Variants in TIE1 observed in about 807,000 individuals in gnomAD.
The protein encoded by TIE1 is tyrosine-protein kinase receptor Tie-1.
A neutral mutation model predicts 130.5 loss-of-function variants in TIE1; 89 were observed. The observed-to-expected ratio is 0.68, with a 90% CI of 0.57 to 0.81. The LOEUF (loss-of-function observed/expected upper bound fraction) is 0.81, where lower values mean the gene tolerates loss of function less well. TIE1 is among the 40% of genes least tolerant of loss of function. The probability of loss-of-function intolerance (pLI) is 0.00; values close to 1 mark genes in which losing one functional copy is unlikely to be tolerated. For missense variants in TIE1, 1,392 were observed against 1,559.8 expected (o/e 0.89, Z 1.81); for synonymous variants, 568 against 629.4 (o/e 0.90, Z 1.46).
At position 43,307,159 on chromosome 1, in the gene TIE1, TG is replaced by T. The variant is rs1402560196; in HGVS notation, c.663del (p.Pro222GlnfsTer143). The T allele has an allele frequency of 6.2e-7, 1 of 1,613,982 alleles. No homozygotes were observed. The highest frequency in any genetic ancestry group is 1.1e-5 in the South Asian group (1 of 91,084). ...LIVRGCGAGR[W>X]GPGCTKECPG... ...TCCTCCAGGTTGTGGGGCTGGGCGCTGGGGGCCAGGCTGTACCAAGGAGTGC... is the reference window on the plus strand; with the variant it reads ...TCCTCCAGGTTGTGGGGCTGGGCGCTGGGGCCAGGCTGTACCAAGGAGTGC... On this transcript the variant is annotated frameshift_variant, in exon 5 of 23. Coordinates refer to ENST00000372476, the MANE Select transcript of TIE1 (RefSeq NM_005424.5). LOFTEE classifies it high-confidence loss of function. This position sits in a 1 kb window ranked among gnomAD's most constrained non-coding sequence, Gnocchi z 5.4.
At position 43,309,257 on chromosome 1, in the gene TIE1, T is replaced by C. The variant is rs1042394836; in HGVS notation, c.1188+126T>C. On this transcript the variant is annotated intron_variant, in intron 8 of 22. Coordinates refer to ENST00000372476, the MANE Select transcript of TIE1 (RefSeq NM_005424.5). The surrounding 1 kb of genome is among the most constrained non-coding windows in gnomAD (Gnocchi z 6.3). ...CCCATTGGCCTGACCATTGCTCACATGAGGTCAGGCTGATTGGTGAGGGGG... is the reference window on the plus strand; with the variant it reads ...CCCATTGGCCTGACCATTGCTCACACGAGGTCAGGCTGATTGGTGAGGGGG... 1 of 1,505,264 alleles carries C rather than the reference T, an allele frequency of 6.6e-7. No homozygotes were observed. Among genetic ancestry groups the C allele is most frequent in the African/African-American group, 1.4e-5 (1 of 71,600 alleles). The allele number at this position is 1,505,264 out of a possible 1,614,324, so 93.2% of individuals were successfully genotyped here.
chr1:43,314,885 C>A (rs1646844405), intron 14 of TIE1, among the ~76,000 whole-genome samples: 1 of 152,124 alleles, frequency 6.6e-6, no homozygotes, highest in South Asian at 2.1e-4. Flanking sequence ...TTCCTTATAC[C>A]TTATGGAAGG....
rs1419498195 is a variant in TIE1 at position 43,322,631 on chromosome 1, A to G, written c.3346-20A>G. 1 of 1,612,120 alleles carries G rather than the reference A, an allele frequency of 6.2e-7. No individual in the cohort carries two copies. The highest frequency in any genetic ancestry group is 2.2e-5 in the East Asian group (1 of 44,818). On this transcript the variant is annotated intron_variant, in intron 22 of 22. Transcript: ENST00000372476. The surrounding 1 kb of genome is among the most constrained non-coding windows in gnomAD (Gnocchi z 4.0). ...TGCACCCCCATTCCTGGCCCCCACT[A>G]AAGCTTGCTCTGCCCCCAGGCCTAT...
At chr1:43,304,079 C>G (rs1052649162) in intron 1 of TIE1, among the ~76,000 whole-genome samples, 1 of 152,096 alleles carries the variant, frequency 6.6e-6, no homozygotes, top group Non-Finnish European at 1.5e-5. Flanking sequence ...GGGCCCAGCC[C>G]CAAGCTTAGC....
At chr1:43,314,177 T>C (rs1430190763) in intron 14 of TIE1, 2 of 724,692 alleles carry the variant, frequency 2.8e-6, no homozygotes, top group South Asian at 1.8e-5. Context: ...AGCCCATTTA[T>C]ATTAGTGGTG....
In TIE1 at chr1:43,317,880, A is replaced by G. The variant is rs760301451; in HGVS notation, c.2732-2A>G. ...ACCACTGTCTGTCTCTTTGCCTCTC[A>G]GGTTACTTGTATATCGCTATTGAAT... On this transcript the variant is annotated splice_acceptor_variant, in intron 16 of 22. Coordinates refer to ENST00000372476, the MANE Select transcript of TIE1 (RefSeq NM_005424.5). LOFTEE classifies it high-confidence loss of function. The surrounding 1 kb of genome is among the most constrained non-coding windows in gnomAD (Gnocchi z 5.1). 6.2e-7 allele frequency: 1 copy of G among 1,613,550 alleles called. No individual in the cohort carries two copies. Among genetic ancestry groups the G allele is most frequent in the South Asian group, 1.1e-5 (1 of 90,996 alleles).
In TIE1 at chr1:43,306,906, A is replaced by G. The variant is rs759293138; in HGVS notation, c.551A>G (p.Asn184Ser). 2 of 1,614,046 alleles carry G rather than the reference A, an allele frequency of 1.2e-6. No individual in the cohort carries two copies. The highest frequency in any genetic ancestry group is 8.5e-7 in the Non-Finnish European group (1 of 1,180,006). The change falls in exon 4 of 23, where the codon AAT (asparagine) becomes AGT (serine). Residue 184 changes from asparagine (N) to serine (S), a missense_variant. Coordinates refer to ENST00000372476, the MANE Select transcript of TIE1 (RefSeq NM_005424.5). This position sits in a 1 kb window ranked among gnomAD's most constrained non-coding sequence, Gnocchi z 4.9. Reference protein sequence around the residue: ...QDGRFLLQLPNVQPPSSGIYS... With the variant: ...QDGRFLLQLPSVQPPSSGIYS... The stretch of plus-strand genomic sequence containing the variant: ...GGGCGGTTCCTGCTGCAGCTCCCAA[A>G]TGTGCAGCCACCATCGAGCGGCATC...
chr1:43,321,485 G>C lies in TIE1; in HGVS notation c.3238G>C (p.Asp1080His). The C allele has an allele frequency of 6.2e-7, 1 of 1,612,088 alleles. No homozygotes were observed. The highest frequency in any genetic ancestry group is 1.7e-5 in the Admixed American group (1 of 59,614). Residue 1080 changes from aspartate (D) to histidine (H), a missense_variant, in exon 21 of 23, where the codon GAT becomes CAT. Coordinates refer to ENST00000372476, the MANE Select transcript of TIE1 (RefSeq NM_005424.5). ...CATGGAGCAGCCTCGAAACTGTGAC[G>C]ATGAAGTGTGAGTCACCCCATCCTT... ...YRMEQPRNCD[D>H]EVYELMRQCW...
At position 43,311,766 on chromosome 1, in the gene TIE1, A is replaced by G; in HGVS notation, c.1429A>G (p.Ile477Val). Residue 477 changes from isoleucine (I) to valine (V), a missense_variant, in exon 10 of 23, where the codon ATC becomes GTC. Transcript: ENST00000372476. ...PLVSFSGDGP[I>V]STVRLHYRPQ... ...GGTCTCGTTCTCTGGGGATGGACCC[A>G]TCTCCACTGTCCGCCTGCACTACCG... The G allele has an allele frequency of 6.2e-7, 1 of 1,614,102 alleles. No homozygotes were observed. Among genetic ancestry groups the G allele is most frequent in the Non-Finnish European group, 8.5e-7 (1 of 1,180,004 alleles).
chr1:43,318,238 G>C lies in TIE1; in HGVS notation c.2922+166G>C, dbSNP rs1646880685. Among the ~76,000 whole-genome samples, 1 of 152,210 alleles carries C rather than the reference G, an allele frequency of 6.6e-6. No individual in the cohort carries two copies. The highest frequency in any genetic ancestry group is 2.4e-5 in the African/African-American group (1 of 41,454). On this transcript the variant is annotated intron_variant, in intron 17 of 22. Coordinates refer to ENST00000372476, the MANE Select transcript of TIE1 (RefSeq NM_005424.5). This position sits in a 1 kb window ranked among gnomAD's most constrained non-coding sequence, Gnocchi z 4.4. Reference sequence around the variant, plus strand: ...GAGGCAGGGCCAAGGGGCAGGTCTGGAGGAGGTGGGGACTTCCAGTATGGA... The same window carrying C: ...GAGGCAGGGCCAAGGGGCAGGTCTGCAGGAGGTGGGGACTTCCAGTATGGA...
Position 43,306,390 on chromosome 1 carries a change from T to C in TIE1, c.485-450T>C, listed in dbSNP as rs575959176. ...CACGGCCAAGTTGGTGAAAATGATG[T>C]CTAAGGAGCTGGATTTTTGTCCTGA... On this transcript the variant is annotated intron_variant, in intron 3 of 22. Transcript: ENST00000372476. This position sits in a 1 kb window ranked among gnomAD's most constrained non-coding sequence, Gnocchi z 4.9. 5.3e-5 allele frequency among the ~76,000 whole-genome samples: 8 copies of C among 152,190 alleles called. No individual in the cohort carries two copies. Among genetic ancestry groups the C allele is most frequent in the African/African-American group, 1.9e-4 (8 of 41,514 alleles).
rs775169820 is a variant in TIE1 at position 43,305,314 on chromosome 1, A to G, written c.455A>G (p.Lys152Arg). Residue 152 changes from lysine to arginine, a missense_variant, in exon 3 of 23, where the codon AAG becomes AGG. Physicochemically the swap from Lys to Arg is conservative, Grantham distance 26. Around this residue, in one of 6 missense-constraint regions of TIE1, gnomAD observed 415 missense variants for 424.8 expected, o/e 0.98. Transcript: ENST00000372476. ...AVLSARVHKE[K>R]QTDVIWKSNG... ...CTTTCTGCACGTGTGCACAAGGAGA[A>G]GCAGACAGACGTGATCTGGAAGAGC... The G allele has an allele frequency of 2.6e-5, 41 of 1,592,898 alleles. No homozygotes were observed. Among genetic ancestry groups the G allele is most frequent in the Non-Finnish European group, 3.3e-5 (39 of 1,166,252 alleles).
intron 1 of TIE1, among the ~76,000 whole-genome samples, chr1:43,301,483 A>C (rs1646669315): frequency 7.4e-6 from 1 of 134,454 alleles, no homozygotes; most frequent in Non-Finnish European, 1.6e-5. Context: ...CGTCTTTTTC[A>C]AAAAAAAAAA....
rs1261779889 is a variant in TIE1, at chr1:43,318,525, A to G, written c.2922+453A>G. ...CATTTTATCTTTTTTTTTTTTTGAG[A>G]CTGAGTCTCACTTTTTTGCCCAGGC... is the stretch of plus-strand genomic sequence containing the variant. On this transcript the variant is annotated intron_variant, in intron 17 of 22. Coordinates refer to ENST00000372476, the MANE Select transcript of TIE1 (RefSeq NM_005424.5). This position sits in a 1 kb window ranked among gnomAD's most constrained non-coding sequence, Gnocchi z 4.4. Among the ~76,000 whole-genome samples the G allele has an allele frequency of 2.0e-5, 3 of 148,394 alleles. No homozygotes were observed. Among genetic ancestry groups the G allele is most frequent in the Non-Finnish European group, 4.5e-5 (3 of 67,162 alleles).
intron 7 of TIE1, chr1:43,308,762 A>C: frequency 3.1e-6 from 2 of 646,086 alleles, no homozygotes; most frequent in Non-Finnish European, 2.8e-6. Flanking sequence ...GCTGGCAGGT[A>C]TTAGACGGTA....
In TIE1 at chr1:43,307,440, G is replaced by C. The variant is rs1173198346; in HGVS notation, c.781G>C (p.Glu261Gln). 1 of 1,614,088 alleles carries C rather than the reference G, an allele frequency of 6.2e-7. No individual in the cohort carries two copies. The highest frequency in any genetic ancestry group is 2.2e-5 in the East Asian group (1 of 44,898). ...ACACACTCTCTTTCTAGCCTGCAGA[G>C]AGGGCCGTTTTGGGCAGAGCTGCCA... is the stretch of plus-strand genomic sequence containing the variant. ...TGTRCEQACR[E>Q]GRFGQSCQEQ... The change falls in exon 6 of 23, where the codon GAG (glutamate) becomes CAG (glutamine). Residue 261 changes from glutamate (E) to glutamine (Q), a missense_variant. Transcript: ENST00000372476. This position sits in a 1 kb window ranked among gnomAD's most constrained non-coding sequence, Gnocchi z 5.4.
rs754093879 is a variant in TIE1 at position 43,313,303 on chromosome 1, A to G, written c.2096A>G (p.Glu699Gly). The G allele has an allele frequency of 6.2e-7, 1 of 1,614,012 alleles. No homozygotes were observed. Among genetic ancestry groups the G allele is most frequent in the East Asian group, 2.2e-5 (1 of 44,874 alleles). ...CTGTGGATAGACGTGGACAGGCCTGAGGAGACAAGCACCATCATCCGTGGC... is the reference window on the plus strand; with the variant it reads ...CTGTGGATAGACGTGGACAGGCCTGGGGAGACAAGCACCATCATCCGTGGC... ...DPLWIDVDRPEETSTIIRGLN... is the reference protein window; with the variant it reads ...DPLWIDVDRPGETSTIIRGLN... The change falls in exon 13 of 23, where the codon GAG becomes GGG. Residue 699 changes from glutamate (E) to glycine (G), a missense_variant. By Grantham distance (98) the Glu-to-Gly change is moderately conservative (BLOSUM62 -2). This residue lies in a region of TIE1 where 551 missense variants were observed against 565.5 expected (regional missense o/e 0.97). Transcript: ENST00000372476. This position sits in a 1 kb window ranked among gnomAD's most constrained non-coding sequence, Gnocchi z 6.2.
intron 1 of TIE1, among the ~76,000 whole-genome samples, chr1:43,301,424 C>T (rs1357766038): frequency 1.3e-5 from 2 of 151,480 alleles, no homozygotes; most frequent in Admixed American, 6.6e-5. Flanking sequence ...GAGTTCAAGA[C>T]CAGACTGGTC....
At chr1:43,310,163 C>A (rs1646774021) in intron 9 of TIE1, among the ~76,000 whole-genome samples, 1 of 152,128 alleles carries the variant, frequency 6.6e-6, no homozygotes, top group African/African-American at 2.4e-5. Flanking sequence ...TGTAAGCCCC[C>A]TCTCTCACCT....
Sources: allele counts gnomAD v4.1 joint callset (sites outside exome capture counted in the v4.1 genomes callset), GRCh38; gene constraint gnomAD v4.1.1; regional missense constraint gnomAD v4.1.1; non-coding constraint Gnocchi (gnomAD v3.1); transcripts MANE v1.5; gene names NCBI Gene and HGNC (gene_info 2026-07-23, HGNC 2026-07-21).